The following TNFAIP8 variants were observed in gnomAD, a reference collection of about 807,000 sequenced individuals.
The protein encoded by TNFAIP8 is TNF alpha induced protein 8.
Under a neutral mutation model 13.3 loss-of-function variants are expected in TNFAIP8, and 7 were observed. The ratio of observed to expected loss-of-function variants is 0.52; its 90% CI spans 0.30 to 0.99. The LOEUF (loss-of-function observed/expected upper bound fraction) is 0.99. Among genes scored for constraint, TNFAIP8 ranks in the 50% least tolerant of loss-of-function variants. The probability of loss-of-function intolerance (pLI) is 0.07; values close to 1 mark genes in which losing one functional copy is unlikely to be tolerated. For missense variants in TNFAIP8, 258 were observed against 236.9 expected (o/e 1.09, Z -0.58); for synonymous variants, 94 against 87.6 (o/e 1.07, Z -0.41).
rs1753112852 is a variant in TNFAIP8 at position 119,397,958 on chromosome 5, A to C, written c.*4577A>C. The C allele has an allele frequency of 6.6e-6, 1 of 152,240 alleles. No homozygotes were observed. The highest frequency in any genetic ancestry group is 6.5e-5 in the Admixed American group (1 of 15,290). The allele number at this position is 152,240 out of a possible 1,614,324, so 9.4% of individuals were successfully genotyped here. Reference sequence around the variant, plus strand: ...GCAAAGAACATCAGCCCCACGTTATAGGGAACAAGCGAGTCCCAAATCGTA... The same window carrying C: ...GCAAAGAACATCAGCCCCACGTTATCGGGAACAAGCGAGTCCCAAATCGTA... On this transcript the variant is annotated 3_prime_UTR_variant, in exon 2 of 2. Coordinates refer to ENST00000504771, the MANE Select transcript of TNFAIP8 (RefSeq NM_014350.4).
At chr5:119,362,316 C>T (rs1295656066) in intron 1 of TNFAIP8, among the ~76,000 whole-genome samples, 3 of 152,038 alleles carry the variant, frequency 2.0e-5, no homozygotes, top group African/African-American at 4.8e-5. Flanking sequence ...GGTGGGCATT[C>T]GTGGTGATGT....
intron 1 of TNFAIP8, among the ~76,000 whole-genome samples, chr5:119,362,743 G>T (rs1751682478): frequency 6.6e-6 from 1 of 151,936 alleles, no homozygotes; most frequent in South Asian, 2.1e-4. Flanking sequence ...AGTGAGCTAT[G>T]GTCGTGCCAT....
chr5:119,377,122 G>A (rs1376056305), intron 1 of TNFAIP8, among the ~76,000 whole-genome samples: 1 of 152,184 alleles, frequency 6.6e-6, no homozygotes, highest in Non-Finnish European at 1.5e-5. Context: ...TATTGAATGA[G>A]GCTGGGCCTG....
At chr5:119,304,180 A>T (rs1581588217) in intron 1 of TNFAIP8, among the ~76,000 whole-genome samples, 2 of 151,886 alleles carry the variant, frequency 1.3e-5, no homozygotes, top group Non-Finnish European at 2.9e-5. Flanking sequence ...GTGTAGTGGC[A>T]TGATCATAGC....
chr5:119,356,248 C>T, intron 1 of TNFAIP8, 127 bp downstream of exon 1: 1 of 807,390 alleles, frequency 1.2e-6, no homozygotes, highest in Non-Finnish European at 1.9e-6. Flanking sequence ...CCTGCGCCTT[C>T]GAAGCCAAGT....
At chr5:119,382,151 A>G (rs915229982) in intron 1 of TNFAIP8, among the ~76,000 whole-genome samples, 3 of 152,210 alleles carry the variant, frequency 2.0e-5, no homozygotes, top group African/African-American at 7.2e-5. Context: ...TTATTTCTAT[A>G]AGGCAGAATC....
chr5:119,355,432 G>T (rs942645430), upstream of TNFAIP8: 5 of 697,200 alleles, frequency 7.2e-6, no homozygotes, highest in Admixed American at 2.0e-5. Context: ...AAAAGGCCCC[G>T]CTCTGGGACT....
At chr5:119,300,208 C>T (rs769010182) in intron 1 of TNFAIP8, among the ~76,000 whole-genome samples, 19 of 152,240 alleles carry the variant, frequency 1.2e-4, no homozygotes, top group Non-Finnish European at 1.8e-4. Flanking sequence ...GTGTCGCTCA[C>T]GCCGGGAGCT....
intron 1 of TNFAIP8, among the ~76,000 whole-genome samples, chr5:119,337,940 G>A (rs796392909): frequency 1.1e-4 from 16 of 152,326 alleles, no homozygotes; most frequent in African/African-American, 3.8e-4. Context: ...CGGAGCCGCA[G>A]GTGGACTTTG....
intron 1 of TNFAIP8, among the ~76,000 whole-genome samples, chr5:119,295,878 T>G (rs1385701538): frequency 1.3e-5 from 2 of 151,828 alleles, no homozygotes; most frequent in Non-Finnish European, 2.9e-5. Context: ...AGGTATTTTA[T>G]TCTCTTTGAA....
At chr5:119,339,471 T>G (rs1008524629) in intron 1 of TNFAIP8, among the ~76,000 whole-genome samples, 3 of 151,474 alleles carry the variant, frequency 2.0e-5, no homozygotes, top group Non-Finnish European at 4.4e-5. Flanking sequence ...TTTTTTTTTT[T>G]TTTTTTTTTA....
intron 1 of TNFAIP8, among the ~76,000 whole-genome samples, chr5:119,385,441 A>G (rs908345285): frequency 9.2e-5 from 14 of 152,114 alleles, no homozygotes; most frequent in Non-Finnish European, 2.1e-4. Context: ...CTGCTGTTGC[A>G]TAGCTTTTCA....
intron 1 of TNFAIP8, among the ~76,000 whole-genome samples, chr5:119,338,461 A>T (rs1242765287): frequency 2.0e-5 from 3 of 151,844 alleles, no homozygotes; most frequent in Non-Finnish European, 2.9e-5. Context: ...CAGCCTTAGG[A>T]CTCTGCTCTC....
intron 1 of TNFAIP8, among the ~76,000 whole-genome samples, chr5:119,385,688 T>G (rs1562033704): frequency 1.3e-5 from 2 of 152,356 alleles, no homozygotes; most frequent in East Asian, 3.9e-4. Context: ...TAACTCCTTA[T>G]TAGCTGAACT....
intron 1 of TNFAIP8, among the ~76,000 whole-genome samples, chr5:119,384,255 C>T (rs1414587278): frequency 1.3e-5 from 2 of 152,116 alleles, no homozygotes; most frequent in Non-Finnish European, 2.9e-5. Flanking sequence ...GAGACCGAGG[C>T]GGGTGGATCA....
intron 1 of TNFAIP8, among the ~76,000 whole-genome samples, chr5:119,357,709 C>G (rs959073691): frequency 1.3e-5 from 2 of 151,830 alleles, no homozygotes; most frequent in Admixed American, 6.6e-5. Context: ...TTGTTCCTCA[C>G]CTTCCCTCCA....
intron 1 of TNFAIP8, among the ~76,000 whole-genome samples, chr5:119,347,262 C>T (rs1025167300): frequency 6.6e-6 from 1 of 152,212 alleles, no homozygotes; most frequent in Admixed American, 6.5e-5. Context: ...CATGCTTACT[C>T]TGCAGCATAA....
chr5:119,310,504 C>T (rs1749695857), intron 1 of TNFAIP8, among the ~76,000 whole-genome samples: 1 of 152,170 alleles, frequency 6.6e-6, no homozygotes, highest in Non-Finnish European at 1.5e-5. Flanking sequence ...GAGAGCGAAA[C>T]CTGGTCTGGG....
intron 1 of TNFAIP8, among the ~76,000 whole-genome samples, chr5:119,385,178 CT>C (rs1752623362): frequency 6.6e-6 from 1 of 152,194 alleles, no homozygotes; most frequent in African/African-American, 2.4e-5. Context: ...TTGAAATGAC[CT>C]CCAGTGTAGA....
Sources: allele counts gnomAD v4.1 joint callset (sites outside exome capture counted in the v4.1 genomes callset), GRCh38; gene constraint gnomAD v4.1.1; transcripts MANE v1.5; gene names NCBI Gene and HGNC (gene_info 2026-07-23, HGNC 2026-07-21).